Variants in KIF21A observed in about 807,000 individuals in gnomAD.
KIF21A encodes kinesin family member 21A, also known as kinesin-like protein KIF21A.
Under a neutral mutation model 202.9 loss-of-function variants are expected in KIF21A, and 114 were observed. That is an observed-to-expected ratio of 0.56 (90% CI 0.48 to 0.66). The LOEUF (loss-of-function observed/expected upper bound fraction) is 0.66, where lower values mean the gene tolerates loss of function less well. Among genes scored for constraint, KIF21A ranks in the 30% least tolerant of loss-of-function variants. The pLI, the probability that KIF21A is intolerant of heterozygous loss-of-function variation, is 0.00. For synonymous variants in KIF21A, 667 were observed against 670.8 expected (o/e 0.99, Z 0.09); for missense variants, 1,677 against 1,994.9 (o/e 0.84, Z 3.04).
chr12:39,431,805 A>C (rs1166234051), intron 1 of KIF21A, among the ~76,000 whole-genome samples: 1 of 152,266 alleles, frequency 6.6e-6, no homozygotes, highest in African/African-American at 2.4e-5. Context: ...CCTCTCATGT[A>C]ACAAAATAGA....
chr12:39,297,286 A>G (rs1942474796), intron 37 of KIF21A, among the ~76,000 whole-genome samples: 1 of 152,162 alleles, frequency 6.6e-6, no homozygotes, highest in South Asian at 2.1e-4. Context: ...ACACATGCAC[A>G]CGTATGTTTA....
chr12:39,340,083 A>C, intron 16 of KIF21A, 82 bp downstream of exon 16: 1 of 1,076,676 alleles, frequency 9.3e-7, no homozygotes, highest in Non-Finnish European at 1.4e-6. Context: ...TATGGAAAGA[A>C]CCACAAGAGT....
rs751568963 is a variant in KIF21A at position 39,351,905 on chromosome 12, T to C, written c.1545A>G (p.Pro515=). Residue 515 remains proline, a synonymous_variant, in exon 11 of 38, where the codon CCA becomes CCG. Transcript: ENST00000361418. Reference sequence around the variant, plus strand: ...AAAAAGTTGATGATCCGCTGAAATATGGCGCTCTTGCTGTGGCTCTTGTCA... The same window carrying C: ...AAAAAGTTGATGATCCGCTGAAATACGGCGCTCTTGCTGTGGCTCTTGTCA... ...KNLTRATARA[P]YFSGSSTFSP... 7 of 1,613,480 alleles carry C rather than the reference T, an allele frequency of 4.3e-6. No homozygotes were observed. Among genetic ancestry groups the C allele is most frequent in the Non-Finnish European group, 5.9e-6 (7 of 1,179,522 alleles).
At position 39,367,969 on chromosome 12, in the gene KIF21A, T is replaced by G; in HGVS notation, c.514A>C (p.Lys172Gln). 2 of 1,607,114 alleles carry G rather than the reference T, an allele frequency of 1.2e-6. No individual in the cohort carries two copies. The highest frequency in any genetic ancestry group is 1.7e-6 in the Non-Finnish European group (2 of 1,174,058). Residue 172 changes from lysine to glutamine, a missense_variant, in exon 4 of 38, where the codon AAA becomes CAA. Lys to Gln is a moderately conservative substitution (Grantham distance 53). Transcript: ENST00000361418. ...TTRDIDAKSK[K>Q]SNIRIHEDST... ...TCTTCATGAATTCTTATATTTGATT[T>G]TTTACTTTTTGCATCAATATCACGA... is the stretch of plus-strand genomic sequence containing the variant.
chr12:39,352,034 TACATA>T lies in KIF21A; in HGVS notation c.1470-59_1470-55del, dbSNP rs1173119678. ...GAGCATTTTTCTCTGTGGATAAAAA[TACATA>T]ACATAAAGTGTACCACACTACCATT... On this transcript the variant is annotated intron_variant, in intron 10 of 37. Transcript: ENST00000361418. 15 of 1,241,446 alleles carry T rather than the reference TACATA, an allele frequency of 1.2e-5. No individual in the cohort carries two copies. In the Admixed American group the frequency reaches 2.5e-4, roughly 21 times the overall value. 76.9% of individuals were successfully genotyped at this position (1,241,446 alleles called of 1,614,324 possible). A position where few individuals can be genotyped will look rare whatever the true frequency, so the allele number is the denominator to read the frequency against.
At chr12:39,407,847 G>C (rs1952724455) in intron 1 of KIF21A, among the ~76,000 whole-genome samples, 1 of 149,674 alleles carries the variant, frequency 6.7e-6, no homozygotes. Context: ...TCTCTCAATT[G>C]GCCTTTTACA....
chr12:39,294,461 T>C lies in KIF21A; in HGVS notation c.4988A>G (p.Asp1663Gly). The part of the protein sequence containing the change: ...ARNLQDGQIS[D>G]TGDLGEDIAS... Reference sequence around the variant, plus strand: ...AATATCTTCCCCCAGATCTCCTGTGTCAGAGATCTGACCATCTTGCAAATT... The same window carrying C: ...AATATCTTCCCCCAGATCTCCTGTGCCAGAGATCTGACCATCTTGCAAATT... Residue 1663 changes from aspartate (D) to glycine (G), a missense_variant, in exon 38 of 38, where the codon GAC becomes GGC. Transcript: ENST00000361418. 1.9e-6 allele frequency: 3 copies of C among 1,613,770 alleles called. No individual in the cohort carries two copies. The highest frequency in any genetic ancestry group is 1.7e-4 in the Middle Eastern group (1 of 6,060).
chr12:39,302,982 G>T lies in KIF21A; in HGVS notation c.4714C>A (p.Gln1572Lys), dbSNP rs746600657. Reference sequence around the variant, plus strand: ...TGCATTACCTGAAGAAGGTCTTTTTGAGTTAAGTCCCATTTCTTGATTCCA... The same window carrying T: ...TGCATTACCTGAAGAAGGTCTTTTTTAGTTAAGTCCCATTTCTTGATTCCA... ...DNGIKKWDLT[Q>K]KDLLQQVPNA... Residue 1572 changes from glutamine to lysine, a missense_variant, in exon 36 of 38, where the codon CAA (glutamine) becomes AAA (lysine). By Grantham distance (53) the Gln-to-Lys change is moderately conservative. Around this residue, in one of 3 missense-constraint regions of KIF21A, gnomAD observed 705 missense variants for 791.9 expected, o/e 0.89. Transcript: ENST00000361418. 3.7e-6 allele frequency: 6 copies of T among 1,613,742 alleles called. No individual in the cohort carries two copies. The African/African-American group carries it at 4.0e-5, about 11-fold the overall frequency.
chr12:39,407,523 G>A (rs1028150285), intron 1 of KIF21A, among the ~76,000 whole-genome samples: 7 of 152,018 alleles, frequency 4.6e-5, no homozygotes, highest in Non-Finnish European at 1.0e-4. Context: ...TCTTCAATGA[G>A]TAATATATCA....
chr12:39,416,918 C>A (rs928964013), intron 1 of KIF21A, among the ~76,000 whole-genome samples: 1 of 148,588 alleles, frequency 6.7e-6, no homozygotes, highest in Non-Finnish European at 1.5e-5. Flanking sequence ...CACACACACA[C>A]ATATAAATAA....
chr12:39,331,006 T>G, intron 22 of KIF21A, 95 bp from the exon 23 acceptor site: 1 of 1,314,490 alleles, frequency 7.6e-7, no homozygotes, highest in Non-Finnish European at 1.1e-6. Flanking sequence ...ATATATGGGT[T>G]TTGACATCAG....
intron 11 of KIF21A, among the ~76,000 whole-genome samples, chr12:39,348,343 A>G (rs1422367333): frequency 6.6e-6 from 1 of 152,090 alleles, no homozygotes; most frequent in African/African-American, 2.4e-5. Context: ...ACATAGTTTA[A>G]TTGTTATTTT....
At chr12:39,352,658 T>C (rs1014928027) in intron 10 of KIF21A, among the ~76,000 whole-genome samples, 3 of 152,156 alleles carry the variant, frequency 2.0e-5, no homozygotes, top group Non-Finnish European at 4.4e-5. Flanking sequence ...TTTCCAAAAC[T>C]GTGCAAGGAA....
intron 31 of KIF21A, among the ~76,000 whole-genome samples, chr12:39,313,248 T>A (rs1944204881): frequency 6.6e-6 from 1 of 151,860 alleles, no homozygotes; most frequent in Admixed American, 6.6e-5. Context: ...GACCTGATCT[T>A]CCAAAATGCA....
intron 1 of KIF21A, among the ~76,000 whole-genome samples, chr12:39,426,231 T>C (rs925223522): frequency 6.6e-6 from 1 of 152,216 alleles, no homozygotes; most frequent in Non-Finnish European, 1.5e-5. Context: ...GCTTTCTACC[T>C]CACTAAAATT....
intron 13 of KIF21A, 134 bp from the exon 14 acceptor site, chr12:39,341,756 GGTTATTACAGA>G (rs1947461965): frequency 5.1e-6 from 5 of 987,452 alleles, no homozygotes; most frequent in Non-Finnish European, 7.5e-6. Context: ...AAAATGTTAA[GGTTATTACAGA>G]GTAATTTTGT....
chr12:39,327,280 C>T (rs1441566394), intron 24 of KIF21A, among the ~76,000 whole-genome samples: 1 of 152,042 alleles, frequency 6.6e-6, no homozygotes, highest in South Asian at 2.1e-4. Flanking sequence ...CTTCCTTTCT[C>T]ATTGTTCAGT....
At position 39,358,101 on chromosome 12, in the gene KIF21A, G is replaced by A. The variant is rs1948935277; in HGVS notation, c.1215+77C>T. 9 of 1,199,122 alleles carry A rather than the reference G, an allele frequency of 7.5e-6. No homozygotes were observed. The South Asian group carries it at 9.7e-5, about 13-fold the overall frequency. The allele number at this position is 1,199,122 out of a possible 1,614,324, so 74.3% of individuals were successfully genotyped here. On this transcript the variant is annotated intron_variant, in intron 8 of 37. Coordinates refer to ENST00000361418, the MANE Select transcript of KIF21A (RefSeq NM_001173464.2). The stretch of plus-strand genomic sequence containing the variant: ...ACCAAGAGATTCCAGAAACACGTAT[G>A]TGTAAGGCATTATTGTGTTCAGAAA...
intron 7 of KIF21A, among the ~76,000 whole-genome samples, chr12:39,361,653 C>G (rs982994818): frequency 6.7e-6 from 1 of 148,248 alleles, no homozygotes; most frequent in Non-Finnish European, 1.5e-5. Context: ...CTACAGGCGC[C>G]CGCCACCACG....
Sources: gnomAD v4.1 joint callset for allele counts (sites outside exome capture counted in the v4.1 genomes callset) on GRCh38, gnomAD v4.1.1 for gene constraint, gnomAD v4.1.1 regional missense constraint, MANE v1.5 for transcripts, NCBI Gene and HGNC (gene_info 2026-07-23, HGNC 2026-07-21) for gene names.